Variants in DNM3 observed in about 807,000 individuals in gnomAD.
DNM3 encodes dynamin-3.
A neutral mutation model predicts 101.6 loss-of-function variants in DNM3; 47 were observed. The observed-to-expected ratio is 0.46, with a 90% CI of 0.37 to 0.59. The LOEUF is 0.59. DNM3 is among the 20% of genes least tolerant of loss of function. DNM3 has a pLI of 0.00. For synonymous variants in DNM3, 385 were observed against 387.9 expected (o/e 0.99, Z 0.09); for missense variants, 849 against 1,085.7 (o/e 0.78, Z 3.06).
intron 9 of DNM3, among the ~76,000 whole-genome samples, chr1:172,045,995 G>C (rs1051974337): frequency 5.3e-5 from 8 of 152,306 alleles, no homozygotes; most frequent in African/African-American, 1.7e-4. Context: ...AAGTCAGTGT[G>C]GAGATTCCTC....
chr1:171,940,361 T>A (rs1443901116), intron 2 of DNM3, among the ~76,000 whole-genome samples: 1 of 152,222 alleles, frequency 6.6e-6, no homozygotes, highest in African/African-American at 2.4e-5. Context: ...GGATTTTGAA[T>A]GCCTGCAGTG....
chr1:172,357,508 G>T (rs1318561594), intron 17 of DNM3, among the ~76,000 whole-genome samples: 1 of 151,960 alleles, frequency 6.6e-6, no homozygotes, highest in Non-Finnish European at 1.5e-5. Flanking sequence ...GAAGGACACT[G>T]TACAAAATAA....
chr1:172,328,398 G>A (rs2066029404), intron 17 of DNM3, among the ~76,000 whole-genome samples: 1 of 152,094 alleles, frequency 6.6e-6, no homozygotes, highest in Non-Finnish European at 1.5e-5. Context: ...ATAATATCTG[G>A]ATAATGAAAA....
intron 1 of DNM3, among the ~76,000 whole-genome samples, chr1:171,895,045 C>T (rs2037656277): frequency 6.6e-6 from 1 of 152,164 alleles, no homozygotes; most frequent in Non-Finnish European, 1.5e-5. Flanking sequence ...CATTGATGGA[C>T]ATTTGGGTTG....
intron 2 of DNM3, among the ~76,000 whole-genome samples, chr1:171,935,919 G>A (rs2041381464): frequency 6.6e-6 from 1 of 151,578 alleles, no homozygotes; most frequent in Non-Finnish European, 1.5e-5. Context: ...ATGTGCCTGA[G>A]GGTAATTTGA....
At chr1:172,124,572 T>C (rs1306247065) in intron 13 of DNM3, among the ~76,000 whole-genome samples, 1 of 152,172 alleles carries the variant, frequency 6.6e-6, no homozygotes, top group Non-Finnish European at 1.5e-5. Context: ...CCCCTCTATC[T>C]CATTAATCCA....
chr1:171,986,191 G>A (rs2208370), intron 2 of DNM3, among the ~76,000 whole-genome samples: 63,288 of 151,812 alleles, frequency 0.42, 14,131 homozygotes, highest in African/African-American at 0.58. Flanking sequence ...CTACTGTTCA[G>A]TATTCAGTCC....
chr1:172,309,460 A>G (rs2064988120), intron 16 of DNM3: 1 of 152,378 alleles, frequency 6.6e-6, no homozygotes, highest in African/African-American at 2.4e-5. Context: ...ATGTAATATT[A>G]CACAGACTAG....
chr1:172,263,461 G>A (rs2062742523), intron 15 of DNM3, among the ~76,000 whole-genome samples: 1 of 152,046 alleles, frequency 6.6e-6, no homozygotes, highest in Non-Finnish European at 1.5e-5. Flanking sequence ...GTATTATTCT[G>A]TTCTCATGCT....
In DNM3 at chr1:172,068,807, T is replaced by A. The variant is rs766869955; in HGVS notation, c.1336-12T>A. 2.6e-6 allele frequency: 4 copies of A among 1,561,500 alleles called. No homozygotes were observed. In the Admixed American group the frequency reaches 7.7e-5, roughly 30 times the overall value. ...TTTGAGTATTAATACTCAGATCTGC[T>A]TTTCTTGACAGCTGGCAAACTTCCC... On this transcript the variant is annotated splice_polypyrimidine_tract_variant and intron_variant, in intron 10 of 20. Transcript: ENST00000627582.
At chr1:171,928,545 A>T (rs937042163) in intron 2 of DNM3, among the ~76,000 whole-genome samples, 1 of 152,122 alleles carries the variant, frequency 6.6e-6, no homozygotes, top group Non-Finnish European at 1.5e-5. Flanking sequence ...TGAGCACTGG[A>T]GGGTGTGTGG....
intron 1 of DNM3, among the ~76,000 whole-genome samples, chr1:171,869,069 C>T (rs561089336): frequency 2.6e-5 from 4 of 152,342 alleles, no homozygotes; most frequent in Admixed American, 2.6e-4. Flanking sequence ...AGGCGTTAGC[C>T]ACTGTGCCTG....
intron 15 of DNM3, among the ~76,000 whole-genome samples, chr1:172,256,932 G>A (rs1189864994): frequency 1.4e-5 from 2 of 145,368 alleles, no homozygotes; most frequent in Non-Finnish European, 3.0e-5. Flanking sequence ...CTATTTAAAA[G>A]TGTGTTTTAC....
intron 20 of DNM3, among the ~76,000 whole-genome samples, chr1:172,396,284 G>C (rs1300926661): frequency 6.6e-6 from 1 of 152,216 alleles, no homozygotes; most frequent in African/African-American, 2.4e-5. Context: ...AAAATTCGCA[G>C]TCACTCATAA....
At chr1:172,039,299 C>T (rs985548294) in intron 7 of DNM3, among the ~76,000 whole-genome samples, 2 of 152,198 alleles carry the variant, frequency 1.3e-5, no homozygotes, top group South Asian at 4.1e-4. Flanking sequence ...CACTTTTCTC[C>T]CCAGCAGCGT....
chr1:172,261,007 T>G (rs2062621359), intron 15 of DNM3, among the ~76,000 whole-genome samples: 1 of 152,048 alleles, frequency 6.6e-6, no homozygotes, highest in Non-Finnish European at 1.5e-5. Context: ...CATGCTGGCG[T>G]GCAGTGATTT....
At chr1:172,196,058 C>T (rs1192977891) in intron 14 of DNM3, among the ~76,000 whole-genome samples, 1 of 151,682 alleles carries the variant, frequency 6.6e-6, no homozygotes, top group Admixed American at 6.6e-5. Context: ...TCCCTCTTCC[C>T]ACCCTCCACC....
intron 1 of DNM3, among the ~76,000 whole-genome samples, chr1:171,881,144 A>G (rs982006528): frequency 1.3e-5 from 2 of 152,174 alleles, no homozygotes; most frequent in African/African-American, 4.8e-5. Flanking sequence ...AGTTGTATTC[A>G]CATTATATTG....
chr1:172,400,174 G>A (rs918358662), intron 20 of DNM3, among the ~76,000 whole-genome samples: 40 of 151,838 alleles, frequency 2.6e-4, no homozygotes, highest in African/African-American at 8.0e-4. Flanking sequence ...TCTCAGAAGC[G>A]GACACTTGCC....
Sources: gnomAD v4.1 joint callset for allele counts (sites outside exome capture counted in the v4.1 genomes callset) on GRCh38, gnomAD v4.1.1 for gene constraint, MANE v1.5 for transcripts, NCBI Gene and HGNC (gene_info 2026-07-23, HGNC 2026-07-21) for gene names.